The following ROBO2 variants were observed in gnomAD, a reference collection of about 807,000 sequenced individuals.
ROBO2 encodes roundabout homolog 2.
Under a neutral mutation model 160.8 loss-of-function variants are expected in ROBO2, and 53 were observed. The observed-to-expected ratio is 0.33, with a 90% confidence interval of 0.26 to 0.41. The LOEUF is 0.41. Ranked by LOEUF, ROBO2 falls within the 10% of genes least tolerant of loss-of-function variation. The pLI, the probability that ROBO2 is intolerant of heterozygous loss-of-function variation, is 1.00. For missense variants in ROBO2, 1,577 were observed against 1,722.4 expected (o/e 0.92, Z 1.49); for synonymous variants, 664 against 611.7 (o/e 1.09, Z -1.26).
intron 2 of ROBO2, among the ~76,000 whole-genome samples, chr3:76,889,595 A>G (rs1037564340): frequency 1.3e-5 from 2 of 152,196 alleles, no homozygotes; most frequent in African/African-American, 2.4e-5. Flanking sequence ...TCATGTAACA[A>G]ATGTTTATCG....
chr3:76,918,938 A>G (rs948101113), intron 2 of ROBO2, among the ~76,000 whole-genome samples: 5 of 149,292 alleles, frequency 3.3e-5, no homozygotes, highest in African/African-American at 9.9e-5. Flanking sequence ...GCTTTTTTTC[A>G]TATGCTTGTG....
exon 15 of ROBO2, chr3:77,577,555 A>C (rs1330461540): frequency 1.2e-6 from 2 of 1,613,406 alleles, no homozygotes; most frequent in South Asian, 1.1e-5. Flanking sequence ...CACAAGTATT[A>C]GTGTTTCCTG....
At chr3:76,155,825 G>A (rs974347083) in intron 2 of ROBO2, among the ~76,000 whole-genome samples, 4 of 152,162 alleles carry the variant, frequency 2.6e-5, no homozygotes, top group African/African-American at 9.7e-5. Flanking sequence ...AAAGATGCAT[G>A]TAAATGGTAT....
chr3:76,087,222 C>T (rs1266720371), intron 2 of ROBO2, among the ~76,000 whole-genome samples: 1 of 151,766 alleles, frequency 6.6e-6, no homozygotes, highest in East Asian at 1.9e-4. Flanking sequence ...ATATTATACT[C>T]AAACTTCAGA....
intron 2 of ROBO2, among the ~76,000 whole-genome samples, chr3:76,602,620 C>A (rs2108964300): frequency 6.6e-6 from 1 of 152,310 alleles, no homozygotes; most frequent in East Asian, 1.9e-4. Flanking sequence ...ATAAGAACAG[C>A]ACAGGAAAGA....
At chr3:77,217,155 T>A (rs1270421424) in intron 2 of ROBO2, among the ~76,000 whole-genome samples, 5 of 152,076 alleles carry the variant, frequency 3.3e-5, no homozygotes. Context: ...CCTTTTTTTC[T>A]TTTCTTTTCT....
At chr3:76,265,451 A>G (rs1340747730) in intron 2 of ROBO2, among the ~76,000 whole-genome samples, 3 of 152,168 alleles carry the variant, frequency 2.0e-5, no homozygotes, top group Non-Finnish European at 4.4e-5. Flanking sequence ...AACAACTATG[A>G]TAGTAATAAG....
At chr3:77,282,280 A>AT (rs1438168498) in intron 2 of ROBO2, among the ~76,000 whole-genome samples, 1 of 151,972 alleles carries the variant, frequency 6.6e-6, no homozygotes, top group East Asian at 1.9e-4. Flanking sequence ...GACTGAATTT[A>AT]TTTTTTTAAA....
chr3:77,392,745 A>T (rs533864369), intron 2 of ROBO2, among the ~76,000 whole-genome samples: 1 of 152,190 alleles, frequency 6.6e-6, no homozygotes, highest in African/African-American at 2.4e-5. Context: ...CCTTGAGCTA[A>T]ACATTAATTT....
At chr3:77,008,106 C>G (rs888940329) in intron 2 of ROBO2, among the ~76,000 whole-genome samples, 8 of 151,924 alleles carry the variant, frequency 5.3e-5, no homozygotes, top group African/African-American at 1.7e-4. Flanking sequence ...ATGCTTCATG[C>G]ATACTATATT....
intron 2 of ROBO2, among the ~76,000 whole-genome samples, chr3:75,939,130 A>G (rs1162796955): frequency 6.6e-6 from 1 of 151,012 alleles, no homozygotes; most frequent in Non-Finnish European, 1.5e-5. Context: ...AAGAATATGT[A>G]GACAGCCGCG....
chr3:76,242,995 G>A (rs1212590945), intron 2 of ROBO2, among the ~76,000 whole-genome samples: 1 of 152,150 alleles, frequency 6.6e-6, no homozygotes, highest in East Asian at 1.9e-4. Flanking sequence ...TTGCTGCATG[G>A]ACGATTCCCC....
intron 2 of ROBO2, among the ~76,000 whole-genome samples, chr3:76,485,791 G>A (rs1342615620): frequency 6.6e-6 from 1 of 152,036 alleles, no homozygotes; most frequent in Non-Finnish European, 1.5e-5. Flanking sequence ...TATTGCTTTG[G>A]TGTGCCCTCT....
At chr3:76,792,041 A>G (rs2063385084) in intron 2 of ROBO2, among the ~76,000 whole-genome samples, 1 of 151,924 alleles carries the variant, frequency 6.6e-6, no homozygotes, top group African/African-American at 2.4e-5. Flanking sequence ...CTAAAATATA[A>G]TTCAAGCATT....
chr3:76,861,710 A>G (rs1198404943), intron 2 of ROBO2, among the ~76,000 whole-genome samples: 1 of 152,186 alleles, frequency 6.6e-6, no homozygotes, highest in African/African-American at 2.4e-5. Flanking sequence ...TGGTATCTTA[A>G]AGTCAAAGTT....
chr3:76,620,779 ATAT>A (rs1165364792), intron 2 of ROBO2, among the ~76,000 whole-genome samples: 1 of 152,144 alleles, frequency 6.6e-6, no homozygotes, highest in Non-Finnish European at 1.5e-5. Context: ...TTCCAATTCT[ATAT>A]TATAAGTAAG....
At chr3:76,988,646 G>A (rs1009991930) in intron 2 of ROBO2, among the ~76,000 whole-genome samples, 3 of 151,620 alleles carry the variant, frequency 2.0e-5, no homozygotes, top group African/African-American at 7.3e-5. Context: ...CAATTTGCTG[G>A]TGTTGGCCTG....
At chr3:75,951,123 G>T (rs1178462596) in intron 2 of ROBO2, among the ~76,000 whole-genome samples, 1 of 151,690 alleles carries the variant, frequency 6.6e-6, no homozygotes, top group Non-Finnish European at 1.5e-5. Context: ...CTGTATTTTG[G>T]CACTAATTAA....
At chr3:77,421,434 G>A (rs78700444) in intron 2 of ROBO2, among the ~76,000 whole-genome samples, 3,759 of 152,068 alleles carry the variant, frequency 0.025, 159 homozygotes, top group African/African-American at 0.084. Flanking sequence ...GTTAACAGAG[G>A]GTGATGCAGC....
Sources: allele counts gnomAD v4.1 joint callset (sites outside exome capture counted in the v4.1 genomes callset), GRCh38; gene constraint gnomAD v4.1.1; transcripts MANE v1.5; gene names NCBI Gene and HGNC (gene_info 2026-07-23, HGNC 2026-07-21).